FAM13C: variants seen among roughly 807,000 people sequenced by gnomAD.
FAM13C encodes family with sequence similarity 13 member C.
In FAM13C, 37 loss-of-function variants were observed where a neutral mutation model predicts 73.2. That is an observed-to-expected ratio of 0.51 (90% CI 0.39 to 0.67). The LOEUF is 0.67. FAM13C is among the 30% of genes least tolerant of loss of function. The pLI is 0.00. For synonymous variants in FAM13C, 246 were observed against 260.9 expected (o/e 0.94, Z 0.55); for missense variants, 589 against 715.6 (o/e 0.82, Z 2.02).
At chr10:59,321,404 C>A (rs1024458962) in intron 4 of FAM13C, among the ~76,000 whole-genome samples, 10 of 136,988 alleles carry the variant, frequency 7.3e-5, no homozygotes, top group Non-Finnish European at 1.5e-4. Flanking sequence ...CCTAGAGCCT[C>A]TAGAAAGGAA....
intron 5 of FAM13C, chr10:59,301,234 A>G (rs1847564471): frequency 1.3e-5 from 2 of 152,144 alleles, no homozygotes. Context: ...GGGTCAATCT[A>G]TATAGTTCAC....
rs1840785717 is a variant in FAM13C at position 59,247,246 on chromosome 10, A to G, written c.*368T>C. On this transcript the variant is annotated 3_prime_UTR_variant, in exon 14 of 14. Transcript: ENST00000618804. ...ATTTTTTAAAATCATGCTCTTTTCC[A>G]TACATCAACATAAACAGTCTTTGGA... The G allele has an allele frequency of 5.8e-6, 1 of 173,716 alleles. No individual in the cohort carries two copies. The highest frequency in any genetic ancestry group is 2.4e-5 in the African/African-American group (1 of 41,980). The allele number at this position is 173,716 out of a possible 1,614,324, so 10.8% of individuals were successfully genotyped here.
At chr10:59,354,387 G>A (rs865838541) in intron 2 of FAM13C, among the ~76,000 whole-genome samples, 2 of 152,090 alleles carry the variant, frequency 1.3e-5, no homozygotes, top group Non-Finnish European at 2.9e-5. Context: ...CAGGATCTCC[G>A]AAACAGAAAA....
rs115775226 is a variant in FAM13C, at chr10:59,315,913, C to T, written c.443+8075G>A. Among the ~76,000 whole-genome samples, 375 of 152,166 alleles carry T rather than the reference C, an allele frequency of 2.5e-3. 3 individuals are homozygous for T. The highest frequency in any genetic ancestry group is 8.4e-3 in the African/African-American group (350 of 41,516). On this transcript the variant is annotated intron_variant, in intron 4 of 13. Transcript: ENST00000618804. Reference sequence around the variant, plus strand: ...TTATATTCCTATCTTCTTCCATGATCGGACAACTGAAAATTGTATATCTCT... The same window carrying T: ...TTATATTCCTATCTTCTTCCATGATTGGACAACTGAAAATTGTATATCTCT...
rs866221124 is a variant in FAM13C at position 59,361,867 on chromosome 10, A to C, written c.62+532T>G. The stretch of plus-strand genomic sequence containing the variant: ...TAGGACTAGGTGACTCATTCGTCCC[A>C]TAGTCACATCTCTGTAGTCAGAAGA... On this transcript the variant is annotated intron_variant, in intron 1 of 13. Transcript: ENST00000618804. Among the ~76,000 whole-genome samples, 10 of 152,280 alleles carry C rather than the reference A, an allele frequency of 6.6e-5. No individual in the cohort carries two copies. The South Asian group carries it at 2.1e-3, about 32-fold the overall frequency.
At position 59,260,418 on chromosome 10, in the gene FAM13C, A is replaced by G. The variant is rs1002596857; in HGVS notation, c.1236+2016T>C. On this transcript the variant is annotated intron_variant, in intron 10 of 13. Coordinates refer to ENST00000618804, the MANE Select transcript of FAM13C (RefSeq NM_198215.4). ...TCCTGTTCTCCAACCCTCAAACCTG[A>G]GAATTCAAAGTGCACAACAAGCTCT... Among the ~76,000 whole-genome samples, 28 of 152,162 alleles carry G rather than the reference A, an allele frequency of 1.8e-4. 1 individual carries two copies. The highest frequency in any genetic ancestry group is 8.8e-5 in the Non-Finnish European group (6 of 68,026).
chr10:59,300,205 AAAG>A (rs1316979212), intron 5 of FAM13C, among the ~76,000 whole-genome samples: 1 of 152,264 alleles, frequency 6.6e-6, no homozygotes, highest in African/African-American at 2.4e-5. Context: ...GCAAGTGGAC[AAAG>A]AAGTACAAAT....
At position 59,264,201 on chromosome 10, in the gene FAM13C, A is replaced by G. The variant is rs752416394; in HGVS notation, c.943-35T>C. On this transcript the variant is annotated intron_variant, in intron 8 of 13. Transcript: ENST00000618804. ...GAAGGAAAAAATGGGGGTGGAAGGG[A>G]GGGAAGGAGGGAGAGGGTGGGGGAG... is the stretch of plus-strand genomic sequence containing the variant. 1.0e-4 allele frequency: 89 copies of G among 880,538 alleles called. No individual in the cohort carries two copies. In the Middle Eastern group the frequency reaches 1.9e-3, roughly 19 times the overall value. 54.5% of individuals were successfully genotyped at this position (880,538 alleles called of 1,614,324 possible).
At chr10:59,300,192 A>C (rs1847424404) in intron 5 of FAM13C, among the ~76,000 whole-genome samples, 1 of 152,266 alleles carries the variant, frequency 6.6e-6, no homozygotes, top group South Asian at 2.1e-4. Context: ...TGTCAGTCAC[A>C]GAGCAAGTGG....
intron 3 of FAM13C, among the ~76,000 whole-genome samples, chr10:59,350,646 A>G (rs961743095): frequency 6.6e-6 from 1 of 152,220 alleles, no homozygotes; most frequent in Non-Finnish European, 1.5e-5. Flanking sequence ...ACCTTCATTA[A>G]TGCAGAGGGC....
At chr10:59,336,891 T>G (rs1433211980) in intron 3 of FAM13C, among the ~76,000 whole-genome samples, 1 of 152,180 alleles carries the variant, frequency 6.6e-6, no homozygotes, top group Non-Finnish European at 1.5e-5. Flanking sequence ...ACAAACTTCC[T>G]GTCTATCTTC....
chr10:59,314,140 G>A (rs946145173), intron 4 of FAM13C, among the ~76,000 whole-genome samples: 1 of 152,132 alleles, frequency 6.6e-6, no homozygotes, highest in South Asian at 2.1e-4. Context: ...TCTGAGATGA[G>A]ATTAAAATTT....
intron 4 of FAM13C, among the ~76,000 whole-genome samples, chr10:59,303,299 T>A (rs1847816861): frequency 6.6e-6 from 1 of 152,154 alleles, no homozygotes; most frequent in African/African-American, 2.4e-5. Context: ...AGACATGCCC[T>A]CACCCTCACT....
At chr10:59,323,830 C>T (rs113081115) in intron 4 of FAM13C, among the ~76,000 whole-genome samples, 158 bp downstream of exon 4, 8 of 152,258 alleles carry the variant, frequency 5.3e-5, no homozygotes, top group African/African-American at 9.6e-5. Context: ...ACTCACTCAG[C>T]GATTCCTCTT....
rs1844468002 is a variant in FAM13C at position 59,277,671 on chromosome 10, A to G, written c.592+5692T>C. Among the ~76,000 whole-genome samples the G allele has an allele frequency of 2.6e-5, 4 of 152,244 alleles. No individual in the cohort carries two copies. The South Asian group carries it at 8.3e-4, about 31-fold the overall frequency. On this transcript the variant is annotated intron_variant, in intron 6 of 13. Coordinates refer to ENST00000618804, the MANE Select transcript of FAM13C (RefSeq NM_198215.4). Reference sequence around the variant, plus strand: ...CAAATCTAGATCTCTTCAGTCTGACAAGACAAAGTCAGGGATGGATTTTAA... The same window carrying G: ...CAAATCTAGATCTCTTCAGTCTGACGAGACAAAGTCAGGGATGGATTTTAA...
At chr10:59,306,051 T>A (rs1848213602) in intron 4 of FAM13C, among the ~76,000 whole-genome samples, 1 of 152,234 alleles carries the variant, frequency 6.6e-6, no homozygotes. Context: ...CAAACTATGT[T>A]TCTATAGAGT....
Position 59,268,689 on chromosome 10 carries a change from G to A in FAM13C, c.806C>T (p.Pro269Leu), listed in dbSNP as rs138913406. The change falls in exon 8 of 14, where the codon CCG becomes CTG. Residue 269 changes from proline (P) to leucine (L), a missense_variant and splice_region_variant. Pro to Leu is a moderately conservative substitution (Grantham distance 98, BLOSUM62 -3). Coordinates refer to ENST00000618804, the MANE Select transcript of FAM13C (RefSeq NM_198215.4). ...SPPSTQQFMM[P>L]RSSSRCSCGD... ...ACAGCTGCAGCGTGAAGAACTCCGC[G>A]GCCTGCAGTGATTACAAGGAGGAAG... is the stretch of plus-strand genomic sequence containing the variant. The A allele has an allele frequency of 2.5e-4, 404 of 1,611,434 alleles. No homozygotes were observed. In the African/African-American group the frequency reaches 3.1e-3, roughly 12 times the overall value.
Position 59,283,332 on chromosome 10 carries a change from A to G in FAM13C, c.592+31T>C, listed in dbSNP as rs1402450595. 5.0e-6 allele frequency: 8 copies of G among 1,610,590 alleles called. No homozygotes were observed. In the Admixed American group the frequency reaches 1.2e-4, roughly 23 times the overall value. On this transcript the variant is annotated intron_variant, in intron 6 of 13. Coordinates refer to ENST00000618804, the MANE Select transcript of FAM13C (RefSeq NM_198215.4). ...GAGACTGAACTACCTTGAGAGTACA[A>G]TTTGGGACAACCCCCAGCCCTGTAT...
At chr10:59,259,811 T>C (rs1233748007) in intron 10 of FAM13C, among the ~76,000 whole-genome samples, 1 of 152,208 alleles carries the variant, frequency 6.6e-6, no homozygotes, top group Non-Finnish European at 1.5e-5. Flanking sequence ...CTCATTTGCA[T>C]GTGTCTATTT....
Sources: gnomAD v4.1 joint callset for allele counts (sites outside exome capture counted in the v4.1 genomes callset) on GRCh38, gnomAD v4.1.1 for gene constraint, MANE v1.5 for transcripts, NCBI Gene and HGNC (gene_info 2026-07-23, HGNC 2026-07-21) for gene names.